Variants in NHS observed in about 807,000 individuals in gnomAD.
The protein encoded by NHS is NHS actin remodeling regulator.
Under a neutral mutation model 72.5 loss-of-function variants are expected in NHS, and 5 were observed. That is an observed-to-expected ratio of 0.07 (90% CI 0.04 to 0.14). The LOEUF (loss-of-function observed/expected upper bound fraction) is 0.14. Among genes scored for constraint, NHS ranks in the 10% least tolerant of loss-of-function variants. The pLI, the probability that NHS is intolerant of heterozygous loss-of-function variation, is 1.00. For synonymous variants in NHS, 464 were observed against 547.7 expected, an observed-to-expected ratio of 0.85 and a Z score of 2.13; for missense variants, 1,072 against 1,355.7, an observed-to-expected ratio of 0.79 and a Z score of 3.29.
intron 1 of NHS, among the ~76,000 whole-genome samples, chrX:17,493,729 C>T (rs917656318): frequency 1.8e-5 from 2 of 111,634 alleles, no homozygotes; most frequent in African/African-American, 6.5e-5. Context: ...TCAGGCCCCA[C>T]GCCAGATCTA....
intron 1 of NHS, among the ~76,000 whole-genome samples, chrX:17,427,850 C>T (rs1039594488): frequency 3.6e-5 from 4 of 112,200 alleles, no homozygotes; most frequent in Non-Finnish European, 5.6e-5. Context: ...ATTTTCTAAT[C>T]GTAAGTTGAA....
At chrX:17,492,480 T>A (rs1229611743) in intron 1 of NHS, among the ~76,000 whole-genome samples, 1 of 112,670 alleles carries the variant, frequency 8.9e-6, no homozygotes, top group Non-Finnish European at 1.9e-5. Context: ...CTAATTTGAT[T>A]GCACTGTGGT....
intron 1 of NHS, among the ~76,000 whole-genome samples, chrX:17,633,873 G>C (rs1003565753): frequency 1.8e-5 from 2 of 111,566 alleles, no homozygotes; most frequent in Admixed American, 9.5e-5. Context: ...CAAGATTGGG[G>C]CCCTGAAGAA....
At chrX:17,656,168 C>T (rs1166753752) in intron 1 of NHS, among the ~76,000 whole-genome samples, 4 of 113,138 alleles carry the variant, frequency 3.5e-5, no homozygotes, top group Admixed American at 1.8e-4. Context: ...GCCGCATTCC[C>T]GGGGAGCCGG....
intron 1 of NHS, among the ~76,000 whole-genome samples, chrX:17,541,179 G>A (rs1475898305): frequency 8.9e-6 from 1 of 112,185 alleles, no homozygotes; most frequent in East Asian, 2.8e-4. Context: ...GATAGACACT[G>A]CCATTGTTCT....
At chrX:17,606,650 G>A (rs1458970041) in intron 1 of NHS, among the ~76,000 whole-genome samples, 1 of 112,189 alleles carries the variant, frequency 8.9e-6, no homozygotes, top group South Asian at 3.7e-4. Flanking sequence ...CCTACAGATG[G>A]GGTGGTTCGT....
chrX:17,561,574 G>GCA (rs530971006), intron 1 of NHS, among the ~76,000 whole-genome samples: 4,978 of 65,320 alleles, frequency 0.076, 184 homozygotes, highest in Admixed American at 0.11. Context: ...GCGCGCGCGC[G>GCA]CACACACACA....
chrX:17,664,689 C>T (rs2147095354), intron 1 of NHS, among the ~76,000 whole-genome samples: 1 of 112,105 alleles, frequency 8.9e-6, no homozygotes, highest in East Asian at 2.8e-4. Context: ...TATTCTAGAA[C>T]CTGTGCATTT....
intron 1 of NHS, among the ~76,000 whole-genome samples, chrX:17,655,843 C>G (rs1018847600): frequency 8.8e-6 from 1 of 113,007 alleles, no homozygotes; most frequent in African/African-American, 3.2e-5. Context: ...TTTGATGGAG[C>G]GCGCCGTGCG....
intron 1 of NHS, among the ~76,000 whole-genome samples, chrX:17,541,323 G>C (rs1490636112): frequency 8.9e-6 from 1 of 111,954 alleles, no homozygotes; most frequent in African/African-American, 3.2e-5. Flanking sequence ...CCTGCACAAG[G>C]CTTTTCTATG....
chrX:17,511,748 G>A (rs1008053142), intron 1 of NHS, among the ~76,000 whole-genome samples: 6 of 111,481 alleles, frequency 5.4e-5, no homozygotes, highest in Non-Finnish European at 9.4e-5. Flanking sequence ...AAGATGACTC[G>A]TATCCCTTGG....
Position 17,679,228 on chromosome X carries a change from A to T in NHS, c.566-8514A>T, listed in dbSNP as rs765918873. On this transcript the variant is annotated intron_variant, in intron 1 of 8. Transcript: ENST00000676302. Reference sequence around the variant, plus strand: ...ATAATGCCATCCATCCCCTCTCTAGACCCCTGTGAATGAGAATTTCTTCTT... The same window carrying T: ...ATAATGCCATCCATCCCCTCTCTAGTCCCCTGTGAATGAGAATTTCTTCTT... Among the ~76,000 whole-genome samples, 12 of 108,860 alleles carry T rather than the reference A, an allele frequency of 1.1e-4. No individual in the cohort carries two copies. In the East Asian group the frequency reaches 3.5e-3, roughly 31 times the overall value. 94.5% of individuals were successfully genotyped at this position (108,860 alleles called of 115,157 possible).
At chrX:17,402,142 C>T (rs1236384613) in intron 1 of NHS, among the ~76,000 whole-genome samples, 1 of 111,603 alleles carries the variant, frequency 9.0e-6, no homozygotes, top group African/African-American at 3.3e-5. Context: ...GATACCACAT[C>T]ATCATACCCA....
intron 1 of NHS, among the ~76,000 whole-genome samples, chrX:17,605,248 G>A (rs1454702650): frequency 8.9e-6 from 1 of 111,913 alleles, no homozygotes; most frequent in Non-Finnish European, 1.9e-5. Flanking sequence ...CTCACTCCCA[G>A]CTTGATATGC....
At chrX:17,704,316 A>T (rs1303666630) in intron 3 of NHS, among the ~76,000 whole-genome samples, 1 of 108,610 alleles carries the variant, frequency 9.2e-6, no homozygotes, top group African/African-American at 3.3e-5. Context: ...TTTTTTTTTG[A>T]GATGGAGTCT....
intron 1 of NHS, among the ~76,000 whole-genome samples, chrX:17,613,872 T>C (rs1457100423): frequency 8.9e-6 from 1 of 112,269 alleles, no homozygotes; most frequent in African/African-American, 3.2e-5. Context: ...CTATTGAGGA[T>C]GACAAAAAAT....
chrX:17,723,871 G>A (rs1027215417), intron 5 of NHS, among the ~76,000 whole-genome samples: 3 of 110,168 alleles, frequency 2.7e-5, no homozygotes, highest in Non-Finnish European at 5.7e-5. Context: ...AAATGGGTCA[G>A]GATATGTTAG....
chrX:17,641,307 G>A (rs1388057007), intron 1 of NHS, among the ~76,000 whole-genome samples: 1 of 111,618 alleles, frequency 9.0e-6, no homozygotes, highest in Non-Finnish European at 1.9e-5. Flanking sequence ...CCTTTTATAG[G>A]AGGGTGGCAG....
At chrX:17,551,598 G>A (rs2146960068) in intron 1 of NHS, among the ~76,000 whole-genome samples, 1 of 112,195 alleles carries the variant, frequency 8.9e-6, no homozygotes, top group Admixed American at 9.4e-5. Flanking sequence ...GGTAATACTT[G>A]TATTTAAAGC....
Sources: gnomAD v4.1 joint callset for allele counts (sites outside exome capture counted in the v4.1 genomes callset) on GRCh38, gnomAD v4.1.1 for gene constraint, MANE v1.5 for transcripts, NCBI Gene and HGNC (gene_info 2026-07-23, HGNC 2026-07-21) for gene names.